TBC1D22A: variants seen among roughly 807,000 people sequenced by gnomAD.
TBC1D22A encodes TBC1 domain family member 22A.
A neutral mutation model predicts 60.2 loss-of-function variants in TBC1D22A; 38 were observed. The ratio of observed to expected loss-of-function variants is 0.63; its 90% confidence interval spans 0.49 to 0.83. The LOEUF (loss-of-function observed/expected upper bound fraction) is 0.83. Ranked by LOEUF, TBC1D22A falls within the 40% of genes least tolerant of loss-of-function variation. The pLI, the probability that TBC1D22A is intolerant of heterozygous loss-of-function variation, is 0.00. For synonymous variants in TBC1D22A, 302 were observed against 281.7 expected (o/e 1.07, Z -0.72); for missense variants, 628 against 701.0 (o/e 0.90, Z 1.18).
intron 4 of TBC1D22A, among the ~76,000 whole-genome samples, chr22:46,818,738 G>A (rs2085705289): frequency 6.6e-6 from 1 of 152,200 alleles, no homozygotes; most frequent in Non-Finnish European, 1.5e-5. Flanking sequence ...GATTCCGTAT[G>A]AAATTTAAAA....
chr22:47,029,729 G>A (rs1202857971), intron 10 of TBC1D22A, among the ~76,000 whole-genome samples: 1 of 152,248 alleles, frequency 6.6e-6, no homozygotes, highest in Non-Finnish European at 1.5e-5. Flanking sequence ...AAGTGGAGCT[G>A]TGGGTCCATG....
chr22:47,159,565 C>G (rs1239088114), intron 12 of TBC1D22A, among the ~76,000 whole-genome samples: 3 of 147,174 alleles, frequency 2.0e-5, no homozygotes, highest in South Asian at 4.2e-4. Context: ...TACACACACA[C>G]TACACACACA....
chr22:46,894,730 G>C (rs367849372), intron 6 of TBC1D22A, 54 bp from the exon 7 acceptor site: 12 of 1,601,164 alleles, frequency 7.5e-6, no homozygotes, highest in Non-Finnish European at 1.0e-5. Flanking sequence ...CATATCGCTC[G>C]TAATGATGTT....
At chr22:46,875,456 T>C (rs1309784520) in intron 4 of TBC1D22A, among the ~76,000 whole-genome samples, 1 of 151,998 alleles carries the variant, frequency 6.6e-6, no homozygotes, top group Non-Finnish European at 1.5e-5. Context: ...CAATACTTTT[T>C]TTTTTTCTTT....
At chr22:46,977,433 G>A (rs2074344655) in intron 9 of TBC1D22A, among the ~76,000 whole-genome samples, 2 of 152,148 alleles carry the variant, frequency 1.3e-5, no homozygotes, top group South Asian at 2.1e-4. Context: ...TCCCCAAGAA[G>A]CTCAGAGCCT....
Position 47,111,561 on chromosome 22 carries a change from C to T in TBC1D22A, c.1383C>T (p.Leu461=), listed in dbSNP as rs754253135. Reference sequence around the variant, plus strand: ...ACTTGTACGTGTGCGCTGCTTTTCTCGTGAGATGGAGGAAGGAAATACTAG... The same window carrying T: ...ACTTGTACGTGTGCGCTGCTTTTCTTGTGAGATGGAGGAAGGAAATACTAG... The part of the protein sequence containing the change: ...HFHLYVCAAF[L]VRWRKEILEE... The change falls in exon 12 of 13, where the codon CTC becomes CTT. Residue 461 remains leucine, a synonymous_variant. Coordinates refer to ENST00000337137, the MANE Select transcript of TBC1D22A (RefSeq NM_014346.5). The T allele has an allele frequency of 9.9e-6, 16 of 1,613,928 alleles. No individual in the cohort carries two copies. The highest frequency in any genetic ancestry group is 4.4e-5 in the South Asian group (4 of 91,066).
chr22:46,955,417 T>C (rs136081), intron 8 of TBC1D22A, among the ~76,000 whole-genome samples: 66,264 of 152,138 alleles, frequency 0.44, 15,446 homozygotes, highest in African/African-American at 0.61. Flanking sequence ...AAGGATTTGC[T>C]GTGATTGGCA....
intron 8 of TBC1D22A, among the ~76,000 whole-genome samples, chr22:46,928,392 T>G (rs2071168757): frequency 6.6e-6 from 1 of 152,210 alleles, no homozygotes; most frequent in Non-Finnish European, 1.5e-5. Context: ...AAGATGAAGT[T>G]CCACTCCTGC....
intron 10 of TBC1D22A, among the ~76,000 whole-genome samples, chr22:47,023,881 C>T (rs534375678): frequency 2.0e-5 from 3 of 152,188 alleles, no homozygotes; most frequent in Non-Finnish European, 2.9e-5. Context: ...CCTAGATGAC[C>T]GTGTGGACCT....
rs140628835 is a variant in TBC1D22A, at chr22:46,852,504, C to T, written c.638-26149C>T. 9.2e-4 allele frequency among the ~76,000 whole-genome samples: 140 copies of T among 152,230 alleles called. No individual in the cohort carries two copies. The Middle Eastern group carries it at 0.01, about 11-fold the overall frequency. On this transcript the variant is annotated intron_variant, in intron 4 of 12. Transcript: ENST00000337137. ...ATTTGGGATCCTGATAACGTTTGTCCGAATCTCAGTGGCGTGAGGTCCTTG... is the reference window on the plus strand; with the variant it reads ...ATTTGGGATCCTGATAACGTTTGTCTGAATCTCAGTGGCGTGAGGTCCTTG...
intron 9 of TBC1D22A, among the ~76,000 whole-genome samples, chr22:46,975,510 C>T (rs570782747): frequency 4.5e-4 from 68 of 152,190 alleles, no homozygotes; most frequent in Non-Finnish European, 7.1e-4. Flanking sequence ...TGGGGCCTCC[C>T]GGGAGGGTCT....
intron 7 of TBC1D22A, among the ~76,000 whole-genome samples, chr22:46,909,983 C>T (rs750229043): frequency 3.3e-5 from 5 of 152,166 alleles, no homozygotes; most frequent in South Asian, 2.1e-4. Context: ...ACTTGCAGCT[C>T]GGCTAAATAG....
chr22:46,840,750 C>T (rs1278811255), intron 4 of TBC1D22A, among the ~76,000 whole-genome samples: 3 of 150,488 alleles, frequency 2.0e-5, no homozygotes, highest in African/African-American at 2.4e-5. Context: ...AAAAAAAAGA[C>T]AAATGATAAC....
chr22:47,132,495 G>A (rs4823593), intron 12 of TBC1D22A, among the ~76,000 whole-genome samples: 42,669 of 145,566 alleles, frequency 0.29, 6,774 homozygotes, highest in East Asian at 0.62. Flanking sequence ...TTACCTGCCC[G>A]GCCTTAGTCC....
chr22:47,067,773 C>G (rs1247169715), intron 11 of TBC1D22A, among the ~76,000 whole-genome samples: 2 of 152,264 alleles, frequency 1.3e-5, no homozygotes, highest in Non-Finnish European at 2.9e-5. Flanking sequence ...CACACACACA[C>G]ACTTGCGCTT....
At chr22:46,952,860 G>A (rs185146203) in intron 8 of TBC1D22A, among the ~76,000 whole-genome samples, 3 of 152,168 alleles carry the variant, frequency 2.0e-5, no homozygotes, top group African/African-American at 7.2e-5. Context: ...GGACCACCCC[G>A]TTGTCTCCTG....
chr22:47,028,939 C>T lies in TBC1D22A; in HGVS notation c.1202-8132C>T, dbSNP rs1603066602. On this transcript the variant is annotated intron_variant, in intron 10 of 12. Transcript: ENST00000337137. The surrounding 1 kb of genome is among the most constrained non-coding windows in gnomAD (Gnocchi z 4.4). ...AGGGCTCAGTCCTTAACAAGAGCAC[C>T]CTCACTTCAGACTCCAGCTGCACCT... Among the ~76,000 whole-genome samples the T allele has an allele frequency of 1.3e-5, 2 of 152,290 alleles. No individual in the cohort carries two copies. The highest frequency in any genetic ancestry group is 4.2e-4 in the South Asian group (2 of 4,818).
chr22:46,861,994 C>T (rs1447075922), intron 4 of TBC1D22A, among the ~76,000 whole-genome samples: 2 of 152,226 alleles, frequency 1.3e-5, no homozygotes, highest in African/African-American at 4.8e-5. Context: ...GTACTGGGGC[C>T]TCTGTATGGC....
At chr22:47,149,405 C>T (rs1437247324) in intron 12 of TBC1D22A, among the ~76,000 whole-genome samples, 2 of 152,264 alleles carry the variant, frequency 1.3e-5, no homozygotes, top group Non-Finnish European at 2.9e-5. Context: ...CAGTATTTAT[C>T]CCTGCACTTG....
Sources: allele counts gnomAD v4.1 joint callset (sites outside exome capture counted in the v4.1 genomes callset), GRCh38; gene constraint gnomAD v4.1.1; non-coding constraint Gnocchi (gnomAD v3.1); transcripts MANE v1.5; gene names NCBI Gene and HGNC (gene_info 2026-07-23, HGNC 2026-07-21).